Variants in ARSG observed in about 807,000 individuals in gnomAD.
ARSG encodes ASG.
Under a neutral mutation model 50.5 loss-of-function variants are expected in ARSG, and 37 were observed. The ratio of observed to expected loss-of-function variants is 0.73; its 90% CI spans 0.56 to 0.96. ARSG has a LOEUF of 0.96. Among genes scored for constraint, ARSG ranks in the 50% least tolerant of loss-of-function variants. The pLI is 0.00. For synonymous variants in ARSG, 225 were observed against 254.6 expected, an observed-to-expected ratio of 0.88 and a Z score of 1.11; for missense variants, 629 against 675.3, an observed-to-expected ratio of 0.93 and a Z score of 0.76.
downstream of ARSG, chr17:68,421,654 A>T: frequency 7.2e-7 from 1 of 1,395,148 alleles, no homozygotes; most frequent in Non-Finnish European, 1.0e-6. Flanking sequence ...GCAGTGGAGC[A>T]CCCGGGATTC....
intron 7 of ARSG, 84 bp downstream of exon 7, chr17:68,368,828 G>C: frequency 2.1e-6 from 3 of 1,451,384 alleles, no homozygotes; most frequent in Non-Finnish European, 2.8e-6. Context: ...GTCTGGCCCC[G>C]TGATCCCCTT....
chr17:68,408,346 T>G (rs576150248), intron 11 of ARSG, among the ~76,000 whole-genome samples: 1 of 143,234 alleles, frequency 7.0e-6, no homozygotes, highest in African/African-American at 2.6e-5. Context: ...CATTGTTCAA[T>G]TCCCACCTAT....
intron 2 of ARSG, among the ~76,000 whole-genome samples, chr17:68,313,597 C>T (rs1008682188): frequency 2.0e-5 from 3 of 152,094 alleles, no homozygotes; most frequent in Non-Finnish European, 2.9e-5. Context: ...AATAAGGTCA[C>T]GTCACAGGTT....
At chr17:68,450,976 G>A in the ARSG span, 21 of 1,516,414 alleles carry the variant, frequency 1.4e-5, no homozygotes, top group Admixed American at 2.3e-5. Flanking sequence ...CACTGGGCCC[G>A]GCGCAGGCCA....
intron 2 of ARSG, among the ~76,000 whole-genome samples, chr17:68,315,282 C>T (rs1274776787): frequency 1.3e-5 from 2 of 152,168 alleles, no homozygotes; most frequent in Admixed American, 6.5e-5. Context: ...TGGTTCACAT[C>T]TGTAATTCCA....
At position 68,381,473 on chromosome 17, in the gene ARSG, C is replaced by G. The variant is rs1568552046; in HGVS notation, c.983-3591C>G. Among the ~76,000 whole-genome samples, 3 of 151,804 alleles carry G rather than the reference C, an allele frequency of 2.0e-5. No individual in the cohort carries two copies. The highest frequency in any genetic ancestry group is 3.2e-3 in the Middle Eastern group (1 of 314). ...CAGTTTTAATGTGCCAGTGCCTGAT[C>G]AAAGTATGGAGGCTTATCTAAATGA... On this transcript the variant is annotated intron_variant, in intron 8 of 11. Transcript: ENST00000621439. The surrounding 1 kb of genome is among the most constrained non-coding windows in gnomAD (Gnocchi z 4.1).
chr17:68,328,813 T>G (rs572141094), intron 2 of ARSG, among the ~76,000 whole-genome samples: 1 of 152,214 alleles, frequency 6.6e-6, no homozygotes, highest in Admixed American at 6.5e-5. Flanking sequence ...AGGAAGCCAG[T>G]GTCGATGCAG....
At chr17:68,430,724 A>ACTT in the ARSG span, among the ~76,000 whole-genome samples, 1 of 152,136 alleles carries the variant, frequency 6.6e-6, no homozygotes, top group Non-Finnish European at 1.5e-5. Context: ...CAGTCATGGA[A>ACTT]CTTCATCCCA....
intron 2 of ARSG, among the ~76,000 whole-genome samples, chr17:68,314,792 GTTATT>G (rs1292386613): frequency 3.3e-5 from 5 of 152,178 alleles, no homozygotes; most frequent in African/African-American, 1.2e-4. Flanking sequence ...GTTAGCTATG[GTTATT>G]TTTGTTATTG....
intron 1 of ARSG, among the ~76,000 whole-genome samples, chr17:68,283,511 A>G (rs2075765031): frequency 7.3e-6 from 1 of 136,260 alleles, no homozygotes; most frequent in Non-Finnish European, 1.6e-5. Flanking sequence ...ACAGAGTGAG[A>G]CTCCGTATCA....
At chr17:68,382,196 C>T (rs2080469506) in intron 8 of ARSG, among the ~76,000 whole-genome samples, 1 of 152,180 alleles carries the variant, frequency 6.6e-6, no homozygotes, top group Non-Finnish European at 1.5e-5. Flanking sequence ...CTGCCCACCT[C>T]AGCCTCCCAA....
At chr17:68,263,390 G>A (rs1555745658) in intron 1 of ARSG, among the ~76,000 whole-genome samples, 1 of 152,204 alleles carries the variant, frequency 6.6e-6, no homozygotes, top group Non-Finnish European at 1.5e-5. Flanking sequence ...TCAATGCAAT[G>A]TATACTTATA....
chr17:68,434,665 TG>T, the ARSG span: 1 of 1,607,556 alleles, frequency 6.2e-7, no homozygotes, highest in Non-Finnish European at 8.5e-7. Flanking sequence ...TAACCATTAG[TG>T]GCTTTACACA....
rs782621391 is a variant in ARSG at position 68,273,909 on chromosome 17, C to T, written c.-552+14483C>T. 1.7e-5 allele frequency: 28 copies of T among 1,611,862 alleles called. 1 individual carries two copies. In the South Asian group the frequency reaches 2.3e-4, roughly 13 times the overall value. On this transcript the variant is annotated intron_variant, in intron 1 of 11. Transcript: ENST00000448504. Reference sequence around the variant, plus strand: ...ACTAAGTGTCTAGACAACTTCTGAGCCAAAGAGGAACACTTACCAGAGATG... The same window carrying T: ...ACTAAGTGTCTAGACAACTTCTGAGTCAAAGAGGAACACTTACCAGAGATG...
At chr17:68,325,164 G>A (rs782402797) in intron 2 of ARSG, among the ~76,000 whole-genome samples, 24 of 152,086 alleles carry the variant, frequency 1.6e-4, no homozygotes, top group African/African-American at 2.4e-4. Flanking sequence ...ACTCCTCATC[G>A]CTTGCATTAC....
the ARSG span, among the ~76,000 whole-genome samples, chr17:68,441,369 T>C: frequency 2.0e-5 from 3 of 152,248 alleles, no homozygotes; most frequent in African/African-American, 4.8e-5. Flanking sequence ...TTGTAGTTTA[T>C]GAAGTCAAAA....
intron 2 of ARSG, among the ~76,000 whole-genome samples, chr17:68,324,070 C>CAAA (rs57040262): frequency 0.14 from 12,733 of 89,394 alleles, 902 homozygotes; most frequent in Middle Eastern, 0.2. Context: ...AAAACTCCAT[C>CAAA]AAAAAAAAAA....
At chr17:68,338,139 G>C (rs2078110109) in intron 2 of ARSG, among the ~76,000 whole-genome samples, 1 of 151,946 alleles carries the variant, frequency 6.6e-6, no homozygotes, top group African/African-American at 2.4e-5. Context: ...CCTTCCCCAG[G>C]CCCAGTTAGT....
chr17:68,364,112 T>C (rs952954537), intron 6 of ARSG, among the ~76,000 whole-genome samples: 5 of 152,008 alleles, frequency 3.3e-5, no homozygotes, highest in Non-Finnish European at 7.4e-5. Context: ...CAGATGATTT[T>C]CCCCAGCCTT....
Sources: allele counts gnomAD v4.1 joint callset (sites outside exome capture counted in the v4.1 genomes callset), GRCh38; gene constraint gnomAD v4.1.1; non-coding constraint Gnocchi (gnomAD v3.1); transcripts MANE v1.5; gene names NCBI Gene and HGNC (gene_info 2026-07-23, HGNC 2026-07-21).